The following ETHE1 variants were observed in gnomAD, a reference collection of about 807,000 sequenced individuals.
The protein encoded by ETHE1 is persulfide dioxygenase ETHE1, mitochondrial.
A neutral mutation model predicts 25.7 loss-of-function variants in ETHE1; 16 were observed. The observed-to-expected ratio is 0.62, with a 90% CI of 0.42 to 0.95. The LOEUF is 0.95. Ranked by LOEUF, ETHE1 falls within the 40% of genes least tolerant of loss-of-function variation. ETHE1 has a pLI of 0.00. For synonymous variants in ETHE1, 139 were observed against 135.9 expected (o/e 1.02, Z -0.16); for missense variants, 300 against 333.6 (o/e 0.90, Z 0.79).
At chr19:43,513,177 G>A (rs1971952520) in intron 3 of ETHE1, among the ~76,000 whole-genome samples, 1 of 152,160 alleles carries the variant, frequency 6.6e-6, no homozygotes. Context: ...TGTGCTGCAG[G>A]GGTGAAGCCT....
intron 3 of ETHE1, among the ~76,000 whole-genome samples, chr19:43,511,854 T>C (rs1971925305): frequency 6.6e-6 from 1 of 152,106 alleles, no homozygotes; most frequent in Non-Finnish European, 1.5e-5. Context: ...CCCACCCAAA[T>C]CTCATCTTGA....
At position 43,512,737 on chromosome 19, in the gene ETHE1, T is replaced by C. The variant is rs151006370; in HGVS notation, c.376-1171A>G. 9.4e-3 allele frequency among the ~76,000 whole-genome samples: 960 copies of C among 101,592 alleles called. 6 individuals are homozygous for C. The highest frequency in any genetic ancestry group is 0.035 in the African/African-American group (932 of 26,386). 66.6% of individuals were successfully genotyped at this position (101,592 alleles called of 152,430 possible). On this transcript the variant is annotated intron_variant, in intron 3 of 6. Transcript: ENST00000292147. ...GTTTGGAAAATTTGCAGCCTGACAATGTGATAGAAAAAAAAACCCATTTTC... is the reference window on the plus strand; with the variant it reads ...GTTTGGAAAATTTGCAGCCTGACAACGTGATAGAAAAAAAAACCCATTTTC...
At chr19:43,518,517 C>T (rs12979907) in intron 3 of ETHE1, among the ~76,000 whole-genome samples, 26,329 of 151,418 alleles carry the variant, frequency 0.17, 2,352 homozygotes, top group Non-Finnish European at 0.19. Context: ...GAGGCCGAGA[C>T]GGGCGGATCA....
At position 43,506,882 on chromosome 19, in the gene ETHE1, T is replaced by C. The variant is rs1243919152; in HGVS notation, c.733A>G (p.Met245Val). ...QQIDFAVPAN[M>V]RCGVQTPTA ...GTGGGTGTCTGCACCCCACAGCGCA[T>C]GTTGGCTGGAACAGCAAAGTCTGAA... is the stretch of plus-strand genomic sequence containing the variant. The change falls in exon 7 of 7, where the codon ATG becomes GTG. Residue 245 changes from methionine to valine, a missense_variant. Physicochemically the swap from Met to Val is conservative, Grantham distance 21 (BLOSUM62 1). Coordinates refer to ENST00000292147, the MANE Select transcript of ETHE1 (RefSeq NM_014297.5). 1 of 1,613,744 alleles carries C rather than the reference T, an allele frequency of 6.2e-7. No individual in the cohort carries two copies. Among genetic ancestry groups the C allele is most frequent in the East Asian group, 2.2e-5 (1 of 44,878 alleles).
rs71169253 is a variant in ETHE1 at position 43,518,999 on chromosome 19, GTTTTTTTTTTT to G, written c.375+7191_375+7201del. ...CTGATGGCTGATGAAATTTGTGCTT[GTTTTTTTTTTT>G]TTTTTTTTTTTTTTTTTTTGAGACA... On this transcript the variant is annotated intron_variant, in intron 3 of 6. Coordinates refer to ENST00000292147, the MANE Select transcript of ETHE1 (RefSeq NM_014297.5). Among the ~76,000 whole-genome samples, 842 of 90,992 alleles carry G rather than the reference GTTTTTTTTTTT, an allele frequency of 9.3e-3. 9 individuals carry two copies. Among genetic ancestry groups the G allele is most frequent in the African/African-American group, 0.032 (767 of 24,062 alleles). The allele number at this position is 90,992 out of a possible 152,430, so 59.7% of individuals were successfully genotyped here.
chr19:43,507,320 C>T (rs1599979926), intron 6 of ETHE1, among the ~76,000 whole-genome samples: 13 of 104,414 alleles, frequency 1.2e-4, no homozygotes, highest in Admixed American at 2.9e-4. Context: ...GGCCCCCAGC[C>T]CCTCCTCCCT....
intron 3 of ETHE1, among the ~76,000 whole-genome samples, chr19:43,520,904 G>A (rs1972125845): frequency 6.6e-6 from 1 of 152,094 alleles, no homozygotes. Context: ...CAGACTCTCT[G>A]ATTCTAAGGG....
At chr19:43,517,625 ATAT>A (rs1054462593) in intron 3 of ETHE1, among the ~76,000 whole-genome samples, 22 of 151,818 alleles carry the variant, frequency 1.4e-4, no homozygotes, top group African/African-American at 5.3e-4. Context: ...AAACATACAA[ATAT>A]TAGTCAGGCG....
Position 43,526,338 on chromosome 19 carries a change from A to G in ETHE1, c.238T>C (p.Cys80Arg). The change falls in exon 3 of 7, where the codon TGC becomes CGC. Residue 80 changes from cysteine (C) to arginine (R), a missense_variant. Cys to Arg is a radical substitution (Grantham distance 180). Transcript: ENST00000292147. ...LRLLYAVNTH[C>R]HADHITGSGL... is the part of the protein sequence containing the mutation. ...GAGCCTGTAATGTGGTCCGCGTGGC[A>G]GTGGGTATTCACTGGGAGAGAGAGG... 6.2e-7 allele frequency: 1 copy of G among 1,614,146 alleles called. No homozygotes were observed. Among genetic ancestry groups the G allele is most frequent in the South Asian group, 1.1e-5 (1 of 91,080 alleles).
chr19:43,509,445 C>T (rs533489581), intron 4 of ETHE1, among the ~76,000 whole-genome samples: 37 of 148,394 alleles, frequency 2.5e-4, no homozygotes, highest in Middle Eastern at 3.5e-3. Context: ...TGCAGTGAGC[C>T]AAGATCACAC....
At chr19:43,523,806 C>T (rs1241532242) in intron 3 of ETHE1, among the ~76,000 whole-genome samples, 1 of 152,074 alleles carries the variant, frequency 6.6e-6, no homozygotes, top group Non-Finnish European at 1.5e-5. Context: ...CATGGTGGCA[C>T]ATGCCTGGAA....
chr19:43,527,056 C>T (rs749311373), intron 1 of ETHE1, 41 bp downstream of exon 1: 60 of 1,545,026 alleles, frequency 3.9e-5, no homozygotes, highest in Non-Finnish European at 5.1e-5. Flanking sequence ...TTGCTGCCGC[C>T]TAGTGCCCAG....
At chr19:43,512,505 G>A (rs553894180) in intron 3 of ETHE1, among the ~76,000 whole-genome samples, 1 of 152,234 alleles carries the variant, frequency 6.6e-6, no homozygotes, top group Admixed American at 6.5e-5. Flanking sequence ...GAGATCTGTG[G>A]AACTTTGAAC....
chr19:43,513,666 A>G (rs549522410), intron 3 of ETHE1, among the ~76,000 whole-genome samples: 1 of 152,008 alleles, frequency 6.6e-6, no homozygotes, highest in Admixed American at 6.6e-5. Flanking sequence ...TTGATTTTAC[A>G]GGCCCATAGG....
intron 3 of ETHE1, among the ~76,000 whole-genome samples, chr19:43,517,827 A>G (rs987230554): frequency 2.0e-5 from 3 of 151,526 alleles, no homozygotes; most frequent in Non-Finnish European, 4.4e-5. Flanking sequence ...GCACATGCCT[A>G]TAGTCCCAGC....
At chr19:43,526,750 G>C (rs914535316) in intron 1 of ETHE1, 91 bp from the exon 2 acceptor site, 97 of 1,594,344 alleles carry the variant, frequency 6.1e-5, no homozygotes, top group Middle Eastern at 2.3e-4. Flanking sequence ...CTCTTCCTAA[G>C]ATCCAGAAGC....
intron 6 of ETHE1, among the ~76,000 whole-genome samples, chr19:43,507,157 GT>G (rs1971790473): frequency 2.1e-4 from 9 of 43,278 alleles, no homozygotes; most frequent in Admixed American, 7.0e-4. Flanking sequence ...AGACCCAGGA[GT>G]CCAGTCCCCC....
In ETHE1 at chr19:43,509,150, C is replaced by G. The variant is rs78795563; in HGVS notation, c.506-286G>C. On this transcript the variant is annotated intron_variant, in intron 4 of 6. Transcript: ENST00000292147. ...GTCATTTGTGACCTTGGCTGTCACC[C>G]AGGGGATGTCAAGTAAGGGTTCTGA... Among the ~76,000 whole-genome samples, 1,009 of 152,206 alleles carry G rather than the reference C, an allele frequency of 6.6e-3. 8 individuals carry two copies. The highest frequency in any genetic ancestry group is 0.024 in the African/African-American group (977 of 41,536).
At chr19:43,518,607 T>C (rs1757624009) in intron 3 of ETHE1, among the ~76,000 whole-genome samples, 1 of 150,872 alleles carries the variant, frequency 6.6e-6, no homozygotes, top group African/African-American at 2.4e-5. Flanking sequence ...AAAAATTAGC[T>C]GGGCGTGGTG....
Sources: gnomAD v4.1 joint callset for allele counts (sites outside exome capture counted in the v4.1 genomes callset) on GRCh38, gnomAD v4.1.1 for gene constraint, MANE v1.5 for transcripts, NCBI Gene and HGNC (gene_info 2026-07-23, HGNC 2026-07-21) for gene names.